Variants in USP2 observed in about 807,000 individuals in gnomAD.
USP2 encodes the protein ubiquitin specific peptidase 2, also known as ubiquitin carboxyl-terminal hydrolase 2.
USP2 carries 33 observed loss-of-function variants against 72.0 expected under a neutral mutation model. That is an observed-to-expected ratio of 0.46 (90% CI 0.35 to 0.61). The LOEUF is 0.61. Ranked by LOEUF, USP2 falls within the 20% of genes least tolerant of loss-of-function variation. The pLI, the probability that USP2 is intolerant of heterozygous loss-of-function variation, is 0.01. For missense variants in USP2, 691 were observed against 797.8 expected, an observed-to-expected ratio of 0.87 and a Z score of 1.61; for synonymous variants, 296 against 312.5, an observed-to-expected ratio of 0.95 and a Z score of 0.56.
chr11:119,376,648 G>C (rs1951005622), intron 1 of USP2, among the ~76,000 whole-genome samples: 1 of 152,280 alleles, frequency 6.6e-6, no homozygotes, highest in African/African-American at 2.4e-5. Context: ...GCTTTGCTCA[G>C]TTTCCCTCTC....
intron 1 of USP2, chr11:119,379,304 G>T: frequency 1.0e-6 from 1 of 985,396 alleles, no homozygotes; most frequent in Non-Finnish European, 1.2e-6. Flanking sequence ...CTCTTGGAAG[G>T]GGGGCATTTT....
chr11:119,377,235 A>G (rs1001737616), intron 1 of USP2, among the ~76,000 whole-genome samples: 4 of 152,124 alleles, frequency 2.6e-5, no homozygotes, highest in South Asian at 2.1e-4. Context: ...GGATTTCCCA[A>G]AGTCACACTG....
At chr11:119,363,275 C>T (rs1950792701) in intron 2 of USP2, among the ~76,000 whole-genome samples, 1 of 152,208 alleles carries the variant, frequency 6.6e-6, no homozygotes, top group African/African-American at 2.4e-5. Context: ...GGGCTGCTTC[C>T]GCGGAGGGAC....
intron 2 of USP2, among the ~76,000 whole-genome samples, chr11:119,370,561 GTTGT>G (rs1950912848): frequency 6.6e-6 from 1 of 151,938 alleles, no homozygotes; most frequent in Non-Finnish European, 1.5e-5. Context: ...CACGAGCAGG[GTTGT>G]TCTCACCTCA....
chr11:119,379,458 A>G (rs1951036389), intron 1 of USP2: 8 of 314,892 alleles, frequency 2.5e-5, no homozygotes, highest in Non-Finnish European at 3.2e-5. Flanking sequence ...AAGAAGCCAT[A>G]CAGTTAGCCC....
At position 119,359,674 on chromosome 11, in the gene USP2, C is replaced by A. The variant is rs555842144; in HGVS notation, c.826-14G>T. ...GTTCATGAAGCACTGCAAGAGATGA[C>A]CAGGCAATCAGTGGGGAGACGAGAG... On this transcript the variant is annotated splice_polypyrimidine_tract_variant and intron_variant, in intron 3 of 12. Transcript: ENST00000260187. 1.2e-6 allele frequency: 2 copies of A among 1,612,410 alleles called. No individual in the cohort carries two copies. The highest frequency in any genetic ancestry group is 2.7e-5 in the African/African-American group (2 of 75,022).
chr11:119,369,463 T>C (rs1042742039), intron 2 of USP2, among the ~76,000 whole-genome samples: 2 of 152,200 alleles, frequency 1.3e-5, no homozygotes, highest in Admixed American at 1.3e-4. Context: ...TCCAGTCAGC[T>C]ATCCTGAGAA....
chr11:119,359,435 C>A, intron 4 of USP2, 93 bp from the exon 5 acceptor site: 2 of 1,589,950 alleles, frequency 1.3e-6, no homozygotes, highest in South Asian at 2.3e-5. Context: ...CAGAGAAAGA[C>A]AGACAGGATA....
In USP2 at chr11:119,364,207, C is replaced by G. The variant is rs917664813; in HGVS notation, c.775-3973G>C. The G allele has an allele frequency of 3.5e-6, 4 of 1,141,838 alleles. No individual in the cohort carries two copies. The African/African-American group carries it at 6.5e-5, about 19-fold the overall frequency. The allele number at this position is 1,141,838 out of a possible 1,614,324, so 70.7% of individuals were successfully genotyped here. ...GTCCCGGCTCTCGCGCTCCGGCCGA[C>G]TGGCGGCCCCGCCGGCGCCTCGGGC... On this transcript the variant is annotated intron_variant, in intron 2 of 12. Transcript: ENST00000260187.
chr11:119,372,930 C>A lies in USP2; in HGVS notation c.551G>T (p.Gly184Val). 2 of 1,613,500 alleles carry A rather than the reference C, an allele frequency of 1.2e-6. No individual in the cohort carries two copies. The highest frequency in any genetic ancestry group is 1.7e-6 in the Non-Finnish European group (2 of 1,179,958). Residue 184 changes from glycine to valine, a missense_variant, in exon 2 of 13, where the codon GGG becomes GTG. By Grantham distance (109) the Gly-to-Val change is moderately radical (BLOSUM62 -3). Transcript: ENST00000260187. ...RTRKELCTLQ[G>V]LYQTASCPEY... ...AGGGCAGCTGGCTGTCTGGTAGAGC[C>A]CCTGCAGGGTGCAGAGCTCCTTGCG...
At position 119,356,929 on chromosome 11, in the gene USP2, A is replaced by T. The variant is rs954451313; in HGVS notation, c.1731-7T>A. 6.4e-7 allele frequency: 1 copy of T among 1,554,992 alleles called. No individual in the cohort carries two copies. Among genetic ancestry groups the T allele is most frequent in the East Asian group, 2.4e-5 (1 of 41,928 alleles). On this transcript the variant is annotated splice_polypyrimidine_tract_variant and splice_region_variant and intron_variant, in intron 12 of 12. Coordinates refer to ENST00000260187, the MANE Select transcript of USP2 (RefSeq NM_004205.5). Reference sequence around the variant, plus strand: ...GGAGGACATGGGAGTGACGCTGCGGAGAGAGCGGGGAGTCAGCCCGGAGCG... The same window carrying T: ...GGAGGACATGGGAGTGACGCTGCGGTGAGAGCGGGGAGTCAGCCCGGAGCG...
chr11:119,357,089 C>A (rs1356451889), intron 12 of USP2, 98 bp downstream of exon 12: 10 of 562,330 alleles, frequency 1.8e-5, no homozygotes, highest in Non-Finnish European at 1.9e-5. Flanking sequence ...GTAAGCCGTG[C>A]GGGGGGTGGG....
chr11:119,364,045 G>C (rs1950811195), intron 2 of USP2: 5 of 1,258,912 alleles, frequency 4.0e-6, no homozygotes, highest in South Asian at 2.6e-5. Context: ...TTGGCAGCGG[G>C]GGCGCGGGGG....
intron 2 of USP2, among the ~76,000 whole-genome samples, chr11:119,362,909 A>G (rs1159135392): frequency 6.6e-6 from 1 of 152,150 alleles, no homozygotes; most frequent in East Asian, 1.9e-4. Flanking sequence ...TGGCACCTTC[A>G]CCATCAGCAA....
At chr11:119,371,158 ACT>A (rs1357743259) in intron 2 of USP2, among the ~76,000 whole-genome samples, 3 of 152,074 alleles carry the variant, frequency 2.0e-5, no homozygotes, top group African/African-American at 7.2e-5. Flanking sequence ...CCCTGCAGTG[ACT>A]CTGACACAGG....
intron 2 of USP2, among the ~76,000 whole-genome samples, chr11:119,363,439 C>T (rs1950795404): frequency 6.6e-6 from 1 of 152,170 alleles, no homozygotes. Context: ...GGAGGCGGCC[C>T]CTTTCTGCCC....
intron 2 of USP2, 122 bp downstream of exon 2, chr11:119,372,585 T>C: frequency 2.9e-6 from 3 of 1,037,868 alleles, no homozygotes; most frequent in Non-Finnish European, 4.0e-6. Flanking sequence ...CTTCTCTTGT[T>C]TGTCTCCACC....
chr11:119,364,056 G>A (rs1210168661), intron 2 of USP2: 2 of 1,271,370 alleles, frequency 1.6e-6, no homozygotes, highest in East Asian at 3.2e-5. Flanking sequence ...GGCGCGGGGG[G>A]AGTCCCCGCG....
rs751653714 is a variant in USP2, at chr11:119,372,971, G to T, written c.510C>A (p.Pro170=). Residue 170 remains proline, a synonymous_variant, in exon 2 of 13, where the codon CCC becomes CCA. Coordinates refer to ENST00000260187, the MANE Select transcript of USP2 (RefSeq NM_004205.5). ...RIDPRNLGRS[P]MLARTRKELC... ...GCTCCTTGCGCGTCCGGGCCAGCAT[G>T]GGGCTGCGGCCCAGGTTCCTGGGGT... The T allele has an allele frequency of 6.2e-7, 1 of 1,613,872 alleles. No homozygotes were observed. Among genetic ancestry groups the T allele is most frequent in the Admixed American group, 1.7e-5 (1 of 60,024 alleles).
Sources: allele counts gnomAD v4.1 joint callset (sites outside exome capture counted in the v4.1 genomes callset), GRCh38; gene constraint gnomAD v4.1.1; transcripts MANE v1.5; gene names NCBI Gene and HGNC (gene_info 2026-07-23, HGNC 2026-07-21).